The following ARHGAP26 variants were observed in gnomAD, a reference collection of about 807,000 sequenced individuals.
ARHGAP26 encodes Rho GTPase activating protein 26, also known as rho GTPase-activating protein 26.
Under a neutral mutation model 104.8 loss-of-function variants are expected in ARHGAP26, and 38 were observed. The ratio of observed to expected loss-of-function variants is 0.36; its 90% CI spans 0.28 to 0.48. The LOEUF is 0.48. Ranked by LOEUF, ARHGAP26 falls within the 20% of genes least tolerant of loss-of-function variation. ARHGAP26 has a pLI of 0.99. For missense variants in ARHGAP26, 704 were observed against 947.9 expected (o/e 0.74, Z 3.38); for synonymous variants, 341 against 340.0 (o/e 1.00, Z -0.03).
In ARHGAP26 at chr5:142,770,921, T is replaced by C. The variant is rs754823571; in HGVS notation, c.154+6T>C. 1 of 1,600,750 alleles carries C rather than the reference T, an allele frequency of 6.2e-7. No homozygotes were observed. Among genetic ancestry groups the C allele is most frequent in the Non-Finnish European group, 8.5e-7 (1 of 1,173,006 alleles). ...ACTCATAAGCGCGCTCAAGAGTGAG[T>C]GTCCCGAGCCCCTCGGGGACGCGGC... On this transcript the variant is annotated splice_donor_region_variant and intron_variant, in intron 1 of 22. Transcript: ENST00000645722.
chr5:143,211,905 A>C (rs1387845826), intron 21 of ARHGAP26, among the ~76,000 whole-genome samples: 1 of 152,082 alleles, frequency 6.6e-6, no homozygotes, highest in Non-Finnish European at 1.5e-5. Context: ...TCAATTTCAC[A>C]AACCTAATAT....
intron 20 of ARHGAP26, among the ~76,000 whole-genome samples, chr5:143,173,465 G>T (rs1803062682): frequency 6.6e-6 from 1 of 152,194 alleles, no homozygotes; most frequent in South Asian, 2.1e-4. Flanking sequence ...GTATTTTTAG[G>T]CAGGTCCAAG....
chr5:142,901,208 G>C (rs1295620491), intron 6 of ARHGAP26, among the ~76,000 whole-genome samples: 2 of 152,170 alleles, frequency 1.3e-5, no homozygotes, highest in Non-Finnish European at 2.9e-5. Flanking sequence ...CGTGTGGTGA[G>C]CATTGTGGTG....
At chr5:143,173,126 A>G (rs1040645357) in intron 20 of ARHGAP26, 2 of 170,144 alleles carry the variant, frequency 1.2e-5, no homozygotes, top group Admixed American at 1.3e-4. Flanking sequence ...GGGGAGGGAC[A>G]CTGAGCCTCA....
intron 20 of ARHGAP26, chr5:143,173,237 T>C (rs1361778839): frequency 6.3e-6 from 1 of 157,884 alleles, no homozygotes; most frequent in Non-Finnish European, 1.4e-5. Context: ...AAGGAGAAAA[T>C]AAATATGGAG....
intron 18 of ARHGAP26, among the ~76,000 whole-genome samples, chr5:143,123,530 G>A (rs1057239970): frequency 3.9e-5 from 6 of 152,188 alleles, no homozygotes; most frequent in African/African-American, 1.4e-4. Context: ...GTCCTCAGAA[G>A]GATGTTGTCG....
At chr5:143,187,565 C>T (rs1805332123) in intron 20 of ARHGAP26, among the ~76,000 whole-genome samples, 1 of 152,232 alleles carries the variant, frequency 6.6e-6, no homozygotes, top group South Asian at 2.1e-4. Context: ...AGCCATCCGC[C>T]CTGTGGAAGC....
chr5:143,167,593 A>G (rs1027095560), intron 20 of ARHGAP26, among the ~76,000 whole-genome samples: 1 of 151,298 alleles, frequency 6.6e-6, no homozygotes. Context: ...TTGTTCATCA[A>G]TGATGTAGAT....
intron 20 of ARHGAP26, among the ~76,000 whole-genome samples, chr5:143,180,780 C>T (rs561101099): frequency 4.4e-4 from 67 of 152,320 alleles, no homozygotes; most frequent in African/African-American, 1.5e-3. Flanking sequence ...GTGGGAATTA[C>T]AATTCAAGAT....
intron 1 of ARHGAP26, among the ~76,000 whole-genome samples, chr5:142,822,468 C>A (rs1766388980): frequency 6.6e-6 from 1 of 152,074 alleles, no homozygotes; most frequent in African/African-American, 2.4e-5. Flanking sequence ...GGCAAGAGAT[C>A]TGCAGGGTTA....
At chr5:142,911,932 TCTC>T (rs1761884934) in intron 9 of ARHGAP26, among the ~76,000 whole-genome samples, 1 of 152,240 alleles carries the variant, frequency 6.6e-6, no homozygotes, top group African/African-American at 2.4e-5. Flanking sequence ...ATATAAACTG[TCTC>T]CTCCTAGGCC....
intron 5 of ARHGAP26, among the ~76,000 whole-genome samples, chr5:142,886,289 G>A (rs1757692268): frequency 6.6e-6 from 1 of 152,142 alleles, no homozygotes; most frequent in African/African-American, 2.4e-5. Context: ...TCTGTTAGGT[G>A]AAAGTTCATA....
Position 142,770,468 on chromosome 5 carries a change from A to ACTCG in ARHGAP26, c.-288_-285dup. ...AAGGAGGCGGGGAGGCGGCGTCTGC[A>ACTCG]CTCGCTCGCCCGCTCGCTCGCTTCC... On this transcript the variant is annotated 5_prime_UTR_variant, in exon 1 of 23. Transcript: ENST00000645722. 5.6e-6 allele frequency: 1 copy of ACTCG among 178,934 alleles called. No homozygotes were observed. Among genetic ancestry groups the ACTCG allele is most frequent in the Middle Eastern group, 1.8e-3 (1 of 542 alleles). The allele number at this position is 178,934 out of a possible 1,614,324, so 11.1% of individuals were successfully genotyped here.
At chr5:143,208,919 G>T (rs1809013540) in intron 21 of ARHGAP26, among the ~76,000 whole-genome samples, 1 of 152,086 alleles carries the variant, frequency 6.6e-6, no homozygotes, top group African/African-American at 2.4e-5. Context: ...TGGGCACTTT[G>T]GGAGACATCA....
chr5:143,029,335 A>G (rs928845965), intron 12 of ARHGAP26, among the ~76,000 whole-genome samples: 16 of 150,782 alleles, frequency 1.1e-4, no homozygotes, highest in Admixed American at 1.1e-3. Context: ...GCTCACAGCA[A>G]CTCGACAATT....
At chr5:143,057,849 T>C (rs772749986) in intron 17 of ARHGAP26, 102 bp downstream of exon 17, 6 of 944,306 alleles carry the variant, frequency 6.4e-6, no homozygotes, top group Non-Finnish European at 1.0e-5. Context: ...TCTCCCACTA[T>C]TGCATCAGGT....
At chr5:143,011,303 C>CTTTTT (rs58841045) in intron 11 of ARHGAP26, among the ~76,000 whole-genome samples, 74 of 110,930 alleles carry the variant, frequency 6.7e-4, no homozygotes, top group Admixed American at 1.5e-3. Flanking sequence ...TAAACCCCCG[C>CTTTTT]TTTTTTTTTT....
chr5:142,946,745 T>C (rs1767169776), intron 11 of ARHGAP26: 1 of 152,192 alleles, frequency 6.6e-6, no homozygotes, highest in South Asian at 2.1e-4. Context: ...ATCTTTGGAT[T>C]TGCTGAACTG....
Position 143,053,997 on chromosome 5 carries a change from C to T in ARHGAP26, c.1286-442C>T, listed in dbSNP as rs185391684. ...ACTTAATCATTCTTCTATCGTTGGA[C>T]ATTTAGGTTGTCTCCTTTTTTTGTT... On this transcript the variant is annotated intron_variant, in intron 14 of 22. Coordinates refer to ENST00000645722, the MANE Select transcript of ARHGAP26 (RefSeq NM_001135608.3). 3.5e-3 allele frequency among the ~76,000 whole-genome samples: 527 copies of T among 152,260 alleles called. 4 individuals carry two copies. The highest frequency in any genetic ancestry group is 0.012 in the African/African-American group (507 of 41,556).
Sources: allele counts gnomAD v4.1 joint callset (sites outside exome capture counted in the v4.1 genomes callset), GRCh38; gene constraint gnomAD v4.1.1; transcripts MANE v1.5; gene names NCBI Gene and HGNC (gene_info 2026-07-23, HGNC 2026-07-21).